LRRK1: variants seen among roughly 807,000 people sequenced by gnomAD.
The protein encoded by LRRK1 is leucine rich repeat kinase 1.
Under a neutral mutation model 209.1 loss-of-function variants are expected in LRRK1, and 113 were observed. The observed-to-expected ratio is 0.54, with a 90% CI of 0.46 to 0.63. LRRK1 has a LOEUF of 0.63. Among genes scored for constraint, LRRK1 ranks in the 30% least tolerant of loss-of-function variants. The probability of loss-of-function intolerance (pLI) is 0.00; values close to 1 mark genes in which losing one functional copy is unlikely to be tolerated. For missense variants in LRRK1, 2,284 were observed against 2,632.2 expected, an observed-to-expected ratio of 0.87 and a Z score of 2.89; for synonymous variants, 1,144 against 1,099.7, an observed-to-expected ratio of 1.04 and a Z score of -0.80.
In LRRK1 at chr15:101,024,273, C is replaced by A. The variant is rs1596289526; in HGVS notation, c.2068-530C>A. On this transcript the variant is annotated intron_variant, in intron 15 of 33. Transcript: ENST00000388948. This position sits in a 1 kb window ranked among gnomAD's most constrained non-coding sequence, Gnocchi z 4.6. Reference sequence around the variant, plus strand: ...CTTAGCATCCAGGGCCAGACTCTTACCTCATGCAATGATAGAGAAACCACC... The same window carrying A: ...CTTAGCATCCAGGGCCAGACTCTTAACTCATGCAATGATAGAGAAACCACC... 6.6e-6 allele frequency among the ~76,000 whole-genome samples: 1 copy of A among 152,362 alleles called. No homozygotes were observed. Among genetic ancestry groups the A allele is most frequent in the East Asian group, 1.9e-4 (1 of 5,188 alleles).
intron 4 of LRRK1, 120 bp downstream of exon 4, chr15:100,983,819 G>A (rs1281400888): frequency 9.7e-7 from 1 of 1,032,766 alleles, no homozygotes; most frequent in East Asian, 2.4e-5. Flanking sequence ...TACAGGGTAG[G>A]CCATTGACAC....
At chr15:101,067,236 C>T (rs1193088233) in intron 33 of LRRK1, 1 of 456,076 alleles carries the variant, frequency 2.2e-6, no homozygotes, top group East Asian at 6.9e-5. Flanking sequence ...GTGGGGACCC[C>T]CAGGATTATG....
Position 101,046,248 on chromosome 15 carries a change from C to T in LRRK1, c.3135+96C>T, listed in dbSNP as rs1596317259. 5 of 1,298,580 alleles carry T rather than the reference C, an allele frequency of 3.9e-6. No homozygotes were observed. In the Admixed American group the frequency reaches 1.0e-4, roughly 26 times the overall value. 80.4% of individuals were successfully genotyped at this position (1,298,580 alleles called of 1,614,324 possible). A position where few individuals can be genotyped will look rare whatever the true frequency, so the allele number is the denominator to read the frequency against. On this transcript the variant is annotated intron_variant, in intron 21 of 33. Coordinates refer to ENST00000388948, the MANE Select transcript of LRRK1 (RefSeq NM_024652.6). ...GAATGCCCTTTGCTGGGGGGCCCTGCCTGGAGACCCTTCTCCTAGAGCCAT... is the reference window on the plus strand; with the variant it reads ...GAATGCCCTTTGCTGGGGGGCCCTGTCTGGAGACCCTTCTCCTAGAGCCAT...
intron 3 of LRRK1, 158 bp downstream of exon 3, chr15:100,974,125 CTTT>C (rs1392893687): frequency 3.6e-6 from 2 of 559,826 alleles, no homozygotes; most frequent in African/African-American, 3.9e-5. Flanking sequence ...GGCGCCTTTC[CTTT>C]CCAACTGACT....
chr15:101,026,479 G>T (rs1210863677), intron 17 of LRRK1, among the ~76,000 whole-genome samples: 1 of 152,256 alleles, frequency 6.6e-6, no homozygotes, highest in Non-Finnish European at 1.5e-5. Flanking sequence ...ACTGATCAAG[G>T]ACAGACCCTG....
intron 2 of LRRK1, among the ~76,000 whole-genome samples, chr15:100,934,660 G>A (rs1184383531): frequency 6.7e-6 from 1 of 150,244 alleles, no homozygotes; most frequent in East Asian, 1.9e-4. Flanking sequence ...AAATTAGCCG[G>A]TCGTGGAGGC....
chr15:100,958,449 G>A (rs1486523886), intron 2 of LRRK1, among the ~76,000 whole-genome samples: 1 of 152,176 alleles, frequency 6.6e-6, no homozygotes, highest in East Asian at 1.9e-4. Context: ...AGCCCAGCAA[G>A]GGTGCTAAAG....
intron 30 of LRRK1, 192 bp from the exon 31 acceptor site, chr15:101,062,382 C>G (rs2036238831): frequency 3.7e-6 from 2 of 541,000 alleles, no homozygotes; most frequent in Non-Finnish European, 6.6e-6. Flanking sequence ...CCTCTTTAGA[C>G]TAGTCTGTCT....
At chr15:100,948,151 C>T (rs183070753) in intron 2 of LRRK1, among the ~76,000 whole-genome samples, 1 of 152,208 alleles carries the variant, frequency 6.6e-6, no homozygotes, top group Admixed American at 6.5e-5. Context: ...GGTGCTACCC[C>T]CAAAGCCAGC....
Position 101,022,419 on chromosome 15 carries a change from T to G in LRRK1, c.1889T>G (p.Leu630Arg), listed in dbSNP as rs1006607984. ...ATGCTGTCTTACCTGCGTGCTCAGC[T>G]GCGGAAAGCGGAAAAGTGCAAGCTG... ...KAMLSYLRAQ[L>R]RKAEKCKLMK... Residue 630 changes from leucine (L) to arginine (R), a missense_variant, in exon 15 of 34, where the codon CTG becomes CGG. Leu to Arg is a moderately radical substitution (Grantham distance 102, BLOSUM62 -2). This residue lies in a region of LRRK1 where 494 missense variants were observed against 522.1 expected (regional missense o/e 0.95). Transcript: ENST00000388948. This position sits in a 1 kb window ranked among gnomAD's most constrained non-coding sequence, Gnocchi z 4.0. The G allele has an allele frequency of 1.2e-5, 19 of 1,614,122 alleles. No homozygotes were observed. Among genetic ancestry groups the G allele is most frequent in the Middle Eastern group, 1.6e-4 (1 of 6,084 alleles).
Position 100,989,314 on chromosome 15 carries a change from G to A in LRRK1, c.678G>A (p.Leu226=), listed in dbSNP as rs2032036739. Residue 226 remains leucine (L), a synonymous_variant, in exon 6 of 34, where the codon CTG becomes CTA. Coordinates refer to ENST00000388948, the MANE Select transcript of LRRK1 (RefSeq NM_024652.6). ...HGAYFCSYIL[L]DSPDPSKHLL... ...CCTATTTCTGTTCCTACATCTTGCT[G>A]GATAGTCCTGACCCCAGCAAACATC... 1.2e-6 allele frequency: 2 copies of A among 1,614,046 alleles called. No individual in the cohort carries two copies. The highest frequency in any genetic ancestry group is 2.2e-5 in the East Asian group (1 of 44,884).
rs537605861 is a variant in LRRK1, at chr15:100,968,322, C to G, written c.98-5482C>G. On this transcript the variant is annotated intron_variant, in intron 2 of 33. Coordinates refer to ENST00000388948, the MANE Select transcript of LRRK1 (RefSeq NM_024652.6). ...AGGCTGCTGTGAATATTGTTGGATA[C>G]ATTTCTGGACATATTTCTCTTGGTT... Among the ~76,000 whole-genome samples the G allele has an allele frequency of 6.9e-4, 105 of 152,266 alleles. 3 individuals are homozygous for G. The South Asian group carries it at 0.021, about 30-fold the overall frequency.
chr15:100,992,858 G>T (rs2032220047), intron 6 of LRRK1, among the ~76,000 whole-genome samples: 1 of 152,130 alleles, frequency 6.6e-6, no homozygotes, highest in South Asian at 2.1e-4. Flanking sequence ...TAGTAGAGAT[G>T]GGATTTCACC....
At chr15:100,986,382 G>A (rs1245687396) in intron 4 of LRRK1, among the ~76,000 whole-genome samples, 2 of 152,218 alleles carry the variant, frequency 1.3e-5, no homozygotes, top group Admixed American at 6.5e-5. Flanking sequence ...GCTGTAGAGA[G>A]TACCTGTAGG....
intron 1 of LRRK1, 140 bp from the exon 2 acceptor site, chr15:100,924,371 A>C (rs7181644): frequency 0.25 from 121,036 of 474,664 alleles, 17,100 homozygotes; most frequent in African/African-American, 0.43. Context: ...CACTGACCAC[A>C]CCTGATGGGT....
In LRRK1 at chr15:101,057,873, T is replaced by G. The variant is rs888922861; in HGVS notation, c.4528-117T>G. On this transcript the variant is annotated intron_variant, in intron 28 of 33. Transcript: ENST00000388948. Reference sequence around the variant, plus strand: ...TTCAGCCTCTTGTTTGGATCTAGTCTGAATGAACAGAATCCCTCATTCCTC... The same window carrying G: ...TTCAGCCTCTTGTTTGGATCTAGTCGGAATGAACAGAATCCCTCATTCCTC... 5.2e-6 allele frequency: 6 copies of G among 1,143,486 alleles called. No homozygotes were observed. In the Admixed American group the frequency reaches 1.2e-4, roughly 24 times the overall value. The allele number at this position is 1,143,486 out of a possible 1,614,324, so 70.8% of individuals were successfully genotyped here.
chr15:100,958,810 G>A (rs1450523192), intron 2 of LRRK1, among the ~76,000 whole-genome samples: 3 of 152,100 alleles, frequency 2.0e-5, no homozygotes, highest in Non-Finnish European at 4.4e-5. Flanking sequence ...CTGGAGGTGG[G>A]CCCAGGAAGC....
intron 21 of LRRK1, 25 bp downstream of exon 21, chr15:101,046,177 A>C: frequency 6.2e-7 from 1 of 1,611,044 alleles, no homozygotes; most frequent in Non-Finnish European, 8.5e-7. Context: ...GTTTCTGCAT[A>C]GACAGATGCC....
At chr15:101,066,557 G>T (rs1006456806) in intron 32 of LRRK1, 83 bp from the exon 33 acceptor site, 2 of 1,269,988 alleles carry the variant, frequency 1.6e-6, no homozygotes, top group East Asian at 2.3e-5. Flanking sequence ...CCTCCCTCCC[G>T]CACCTTTCTG....
Sources: gnomAD v4.1 joint callset for allele counts (sites outside exome capture counted in the v4.1 genomes callset) on GRCh38, gnomAD v4.1.1 for gene constraint, gnomAD v4.1.1 regional missense constraint, Gnocchi (gnomAD v3.1) non-coding constraint, MANE v1.5 for transcripts, NCBI Gene and HGNC (gene_info 2026-07-23, HGNC 2026-07-21) for gene names.